Variants in GRAMD2B observed in about 807,000 individuals in gnomAD.
GRAMD2B encodes GRAM domain-containing protein 2B.
Under a neutral mutation model 59.2 loss-of-function variants are expected in GRAMD2B, and 41 were observed. That is an observed-to-expected ratio of 0.69 (90% CI 0.54 to 0.90). The LOEUF is 0.90. Among genes scored for constraint, GRAMD2B ranks in the 40% least tolerant of loss-of-function variants. The pLI is 0.00. For synonymous variants in GRAMD2B, 161 were observed against 182.7 expected, an observed-to-expected ratio of 0.88 and a Z score of 0.96; for missense variants, 424 against 500.5, an observed-to-expected ratio of 0.85 and a Z score of 1.46.
intron 1 of GRAMD2B, among the ~76,000 whole-genome samples, chr5:126,389,195 C>T (rs1215193698): frequency 6.6e-6 from 1 of 152,182 alleles, no homozygotes; most frequent in African/African-American, 2.4e-5. Context: ...GGGGTGAAAG[C>T]TTACCCCTCA....
intron 1 of GRAMD2B, among the ~76,000 whole-genome samples, chr5:126,460,148 A>C (rs2126743949): frequency 6.6e-6 from 1 of 152,282 alleles, no homozygotes; most frequent in Middle Eastern, 3.4e-3. Flanking sequence ...AAAAAAAGCA[A>C]GGTGCAGAAT....
At chr5:126,394,417 C>T (rs547401750) in intron 1 of GRAMD2B, among the ~76,000 whole-genome samples, 2 of 152,194 alleles carry the variant, frequency 1.3e-5, no homozygotes, top group Non-Finnish European at 2.9e-5. Flanking sequence ...CATGACCTGA[C>T]GAGCTAAAAC....
intron 1 of GRAMD2B, among the ~76,000 whole-genome samples, chr5:126,450,195 C>T (rs1297399381): frequency 6.6e-6 from 1 of 151,968 alleles, no homozygotes; most frequent in Non-Finnish European, 1.5e-5. Context: ...TAGCTGAGGG[C>T]CAGAGTAGTA....
upstream of GRAMD2B, among the ~76,000 whole-genome samples, chr5:126,370,495 A>G (rs1754692911): frequency 2.0e-5 from 3 of 152,248 alleles, no homozygotes; most frequent in African/African-American, 7.2e-5. Flanking sequence ...GGTGCTAGTA[A>G]CGAGGGTGGA....
At chr5:126,464,632 C>A (rs181916361) in intron 1 of GRAMD2B, among the ~76,000 whole-genome samples, 1 of 152,176 alleles carries the variant, frequency 6.6e-6, no homozygotes, top group African/African-American at 2.4e-5. Flanking sequence ...GTTTTTCCAA[C>A]GCCTATTGAT....
Position 126,376,412 on chromosome 5 carries a change from C to G in GRAMD2B, c.125+4845C>G, listed in dbSNP as rs144718581. 5.6e-3 allele frequency among the ~76,000 whole-genome samples: 858 copies of G among 152,312 alleles called. 7 individuals carry two copies. Among genetic ancestry groups the G allele is most frequent in the African/African-American group, 0.019 (805 of 41,564 alleles). On this transcript the variant is annotated intron_variant, in intron 1 of 8. Transcript: ENST00000506445. ...TCATTATGCCTCCATTTAGTGGCTC[C>G]AATGCATCTGTGTCTTCTCCTCTAT...
chr5:126,441,508 T>A (rs1763292024), intron 1 of GRAMD2B, among the ~76,000 whole-genome samples: 1 of 152,224 alleles, frequency 6.6e-6, no homozygotes, highest in African/African-American at 2.4e-5. Flanking sequence ...TTGCCTTTTA[T>A]AGCCTGAAAA....
chr5:126,413,954 A>G (rs1304348446), intron 1 of GRAMD2B, among the ~76,000 whole-genome samples: 1 of 152,144 alleles, frequency 6.6e-6, no homozygotes, highest in Non-Finnish European at 1.5e-5. Flanking sequence ...AGTGCATATT[A>G]GGATTCTCAG....
intron 1 of GRAMD2B, among the ~76,000 whole-genome samples, chr5:126,434,397 A>G (rs1762060238): frequency 6.6e-6 from 1 of 152,162 alleles, no homozygotes; most frequent in African/African-American, 2.4e-5. Flanking sequence ...ACATTATGGT[A>G]ATTTGTATAG....
At chr5:126,360,368 A>T in exon 1 of GRAMD2B, 3 of 1,551,378 alleles carry the variant, frequency 1.9e-6, no homozygotes, top group Non-Finnish European at 2.6e-6. Context: ...AGCAAAAAGG[A>T]GCATTCAGCA....
At chr5:126,460,740 G>C (rs1581134379) in intron 1 of GRAMD2B, among the ~76,000 whole-genome samples, 1 of 152,304 alleles carries the variant, frequency 6.6e-6, no homozygotes, top group Non-Finnish European at 1.5e-5. Context: ...TGAGGCCCCA[G>C]ATCTTGGTGA....
chr5:126,490,870 T>C (rs1207831032), intron 13 of GRAMD2B, among the ~76,000 whole-genome samples: 3 of 152,218 alleles, frequency 2.0e-5, no homozygotes, highest in Admixed American at 6.5e-5. Flanking sequence ...GTCATCCTCA[T>C]TGGAAATCTA....
chr5:126,465,215 A>G, intron 1 of GRAMD2B: 1 of 1,409,778 alleles, frequency 7.1e-7, no homozygotes, highest in Non-Finnish European at 9.2e-7. Flanking sequence ...TTTACAAGTG[A>G]AACAGGTGCG....
In GRAMD2B at chr5:126,458,391, C is replaced by T. The variant is rs1290567864; in HGVS notation, c.84-7035C>T. ...CAGAGGTTGCAGCGAGCCAAGATTG[C>T]GTTACTGCACTGCACTCCAGCCTGA... On this transcript the variant is annotated intron_variant, in intron 1 of 13. Coordinates refer to ENST00000285689, the MANE Select transcript of GRAMD2B (RefSeq NM_023927.4). Among the ~76,000 whole-genome samples the T allele has an allele frequency of 5.9e-5, 9 of 151,424 alleles. No individual in the cohort carries two copies. In the East Asian group the frequency reaches 9.7e-4, roughly 16 times the overall value.
intron 1 of GRAMD2B, among the ~76,000 whole-genome samples, chr5:126,457,055 G>A (rs972491261): frequency 6.6e-6 from 1 of 151,934 alleles, no homozygotes; most frequent in Admixed American, 6.6e-5. Context: ...AGCTGGGCAT[G>A]GTGGCAGGCG....
intron 1 of GRAMD2B, among the ~76,000 whole-genome samples, chr5:126,383,840 C>T (rs1297769151): frequency 6.6e-6 from 1 of 151,942 alleles, no homozygotes; most frequent in Admixed American, 6.6e-5. Context: ...TTTCTAGAGC[C>T]CCAGAGCATA....
At chr5:126,402,077 G>C (rs1757886863) in intron 1 of GRAMD2B, among the ~76,000 whole-genome samples, 1 of 152,034 alleles carries the variant, frequency 6.6e-6, no homozygotes, top group African/African-American at 2.4e-5. Context: ...AAAATCAAAA[G>C]CCTAGGTAGG....
chr5:126,407,808 A>G (rs1001069097), intron 1 of GRAMD2B, among the ~76,000 whole-genome samples: 3 of 152,202 alleles, frequency 2.0e-5, no homozygotes, highest in Non-Finnish European at 4.4e-5. Context: ...TGATGTGATG[A>G]TGGTGATAAC....
chr5:126,455,540 A>G (rs532856742), intron 1 of GRAMD2B, among the ~76,000 whole-genome samples: 29 of 152,268 alleles, frequency 1.9e-4, no homozygotes, highest in African/African-American at 7.0e-4. Context: ...CTGACTCCAA[A>G]TTGTATGTAT....
Sources: allele counts gnomAD v4.1 joint callset (sites outside exome capture counted in the v4.1 genomes callset), GRCh38; gene constraint gnomAD v4.1.1; transcripts MANE v1.5; gene names NCBI Gene and HGNC (gene_info 2026-07-23, HGNC 2026-07-21).